CLNK: variants seen among roughly 807,000 people sequenced by gnomAD.
CLNK encodes cytokine-dependent hematopoietic cell linker.
In CLNK, 74 loss-of-function variants were observed where a neutral mutation model predicts 68.6. The observed-to-expected ratio is 1.08, with a 90% confidence interval of 0.89 to 1.31. The LOEUF (loss-of-function observed/expected upper bound fraction) is 1.31. CLNK is among the 50% of genes most tolerant of loss of function. The pLI is 0.00. For missense variants in CLNK, 553 were observed against 515.3 expected (o/e 1.07, Z -0.71); for synonymous variants, 198 against 172.2 (o/e 1.15, Z -1.17).
At chr4:10,522,551 G>C (rs1437802616) in intron 14 of CLNK, among the ~76,000 whole-genome samples, 1 of 124,910 alleles carries the variant, frequency 8.0e-6, no homozygotes, top group Non-Finnish European at 1.6e-5. Flanking sequence ...CCCAGCCTGG[G>C]CAACAAGAGT....
chr4:10,591,589 C>G (rs781674327), intron 3 of CLNK, among the ~76,000 whole-genome samples: 1 of 152,212 alleles, frequency 6.6e-6, no homozygotes, highest in Non-Finnish European at 1.5e-5. Context: ...CAAAGTGAGA[C>G]GGGCCAGAGA....
At chr4:10,627,258 T>C (rs1164396417) in intron 2 of CLNK, among the ~76,000 whole-genome samples, 2 of 152,036 alleles carry the variant, frequency 1.3e-5, no homozygotes, top group African/African-American at 4.8e-5. Flanking sequence ...TGGAACACAA[T>C]TGCCACCTTT....
At chr4:10,507,041 G>A (rs1172010635) in intron 17 of CLNK, among the ~76,000 whole-genome samples, 1 of 151,784 alleles carries the variant, frequency 6.6e-6, no homozygotes, top group Non-Finnish European at 1.5e-5. Context: ...TCCTGACCTC[G>A]TGAGCCGCCT....
chr4:10,648,072 G>A (rs183862650), intron 2 of CLNK, among the ~76,000 whole-genome samples: 5 of 152,234 alleles, frequency 3.3e-5, no homozygotes, highest in East Asian at 1.9e-4. Context: ...ATCATGCCTC[G>A]TATTTCACTT....
chr4:10,660,432 C>A (rs959531721), intron 2 of CLNK, among the ~76,000 whole-genome samples: 2 of 152,078 alleles, frequency 1.3e-5, no homozygotes, highest in Non-Finnish European at 2.9e-5. Flanking sequence ...TATCCAATAC[C>A]ATTTACCGTT....
intron 5 of CLNK, among the ~76,000 whole-genome samples, chr4:10,569,355 G>T (rs1720251705): frequency 6.6e-6 from 1 of 150,864 alleles, no homozygotes; most frequent in Non-Finnish European, 1.5e-5. Flanking sequence ...TCTTTCTCTG[G>T]GTTTCTCCCT....
the CLNK span, among the ~76,000 whole-genome samples, chr4:10,733,065 A>G: frequency 6.6e-6 from 1 of 152,198 alleles, no homozygotes; most frequent in East Asian, 1.9e-4. Context: ...ATAATCCACC[A>G]GCAATTCCAA....
the CLNK span, among the ~76,000 whole-genome samples, chr4:10,716,319 A>G: frequency 6.6e-6 from 1 of 152,338 alleles, no homozygotes; most frequent in African/African-American, 2.4e-5. Context: ...GTAGGCATGT[A>G]AGCAATTTAA....
At chr4:10,504,190 G>C (rs1278845855) in intron 17 of CLNK, among the ~76,000 whole-genome samples, 2 of 126,228 alleles carry the variant, frequency 1.6e-5, no homozygotes, top group Non-Finnish European at 3.2e-5. Context: ...GCTCAATCTC[G>C]GCTCACTGCA....
At chr4:10,624,599 T>G (rs921452319) in intron 2 of CLNK, among the ~76,000 whole-genome samples, 214 of 134,280 alleles carry the variant, frequency 1.6e-3, no homozygotes, top group African/African-American at 5.6e-3. Flanking sequence ...GCCAGTTTTT[T>G]TTTTTTTTTT....
intron 4 of CLNK, among the ~76,000 whole-genome samples, chr4:10,577,393 A>T (rs774851896): frequency 3.3e-5 from 5 of 152,190 alleles, no homozygotes; most frequent in Non-Finnish European, 7.3e-5. Context: ...TGGCAGAGAC[A>T]GTTGTGTGTC....
intron 5 of CLNK, among the ~76,000 whole-genome samples, chr4:10,569,479 C>A (rs909755208): frequency 6.6e-6 from 1 of 152,168 alleles, no homozygotes; most frequent in Non-Finnish European, 1.5e-5. Context: ...CCTACTGGCA[C>A]TTTGGTCTTG....
chr4:10,500,123 T>C (rs1049429388), intron 18 of CLNK, among the ~76,000 whole-genome samples: 7 of 152,076 alleles, frequency 4.6e-5, no homozygotes, highest in African/African-American at 1.4e-4. Flanking sequence ...AAAAGAACAT[T>C]TACATTTGAG....
At chr4:10,729,605 G>A in the CLNK span, among the ~76,000 whole-genome samples, 1 of 152,056 alleles carries the variant, frequency 6.6e-6, no homozygotes, top group Non-Finnish European at 1.5e-5. Context: ...CCATAACAAA[G>A]AATGAAATCA....
intron 11 of CLNK, among the ~76,000 whole-genome samples, chr4:10,536,240 A>G (rs1363539740): frequency 6.6e-6 from 1 of 152,058 alleles, no homozygotes; most frequent in Non-Finnish European, 1.5e-5. Context: ...AACTCATCTC[A>G]CTCACAGTGC....
At chr4:10,701,274 C>A in the CLNK span, among the ~76,000 whole-genome samples, 1 of 152,226 alleles carries the variant, frequency 6.6e-6, no homozygotes, top group African/African-American at 2.4e-5. Context: ...AAAATGAAAT[C>A]TCCCGCTTAA....
At chr4:10,497,213 A>G (rs1318361575) in intron 18 of CLNK, among the ~76,000 whole-genome samples, 1 of 152,250 alleles carries the variant, frequency 6.6e-6, no homozygotes, top group African/African-American at 2.4e-5. Context: ...TGAGGATTCA[A>G]TAGATCAAAT....
At chr4:10,715,241 T>G in the CLNK span, among the ~76,000 whole-genome samples, 1 of 152,222 alleles carries the variant, frequency 6.6e-6, no homozygotes, top group Non-Finnish European at 1.5e-5. Flanking sequence ...CTAGACCTAC[T>G]GACTTGGGAG....
At chr4:10,498,260 G>A (rs1279144919) in intron 18 of CLNK, among the ~76,000 whole-genome samples, 1 of 152,180 alleles carries the variant, frequency 6.6e-6, no homozygotes, top group Non-Finnish European at 1.5e-5. Context: ...GGGAGGCTGA[G>A]GCGGGCGAAT....
Sources: allele counts gnomAD v4.1 joint callset (sites outside exome capture counted in the v4.1 genomes callset), GRCh38; gene constraint gnomAD v4.1.1; transcripts MANE v1.5; gene names NCBI Gene and HGNC (gene_info 2026-07-23, HGNC 2026-07-21).